PHF24: variants seen among roughly 807,000 people sequenced by gnomAD.
PHF24 encodes PHD finger protein 24.
A neutral mutation model predicts 42.6 loss-of-function variants in PHF24; 25 were observed. The ratio of observed to expected loss-of-function variants is 0.59; its 90% CI spans 0.43 to 0.82. The LOEUF is 0.82. Among genes scored for constraint, PHF24 ranks in the 40% least tolerant of loss-of-function variants. The pLI, the probability that PHF24 is intolerant of heterozygous loss-of-function variation, is 0.00. For synonymous variants in PHF24, 185 were observed against 204.8 expected (o/e 0.90, Z 0.83); for missense variants, 470 against 538.1 (o/e 0.87, Z 1.25).
the PHF24 span, among the ~76,000 whole-genome samples, chr9:34,767,680 G>C: frequency 6.6e-6 from 1 of 152,368 alleles, no homozygotes; most frequent in East Asian, 1.9e-4. Flanking sequence ...GCCTCGCCCT[G>C]CTTCGGCTCG....
the PHF24 span, among the ~76,000 whole-genome samples, chr9:34,936,945 C>T: frequency 2.0e-5 from 3 of 151,068 alleles, no homozygotes; most frequent in South Asian, 6.3e-4. Context: ...AGGAGCGTCT[C>T]CACCCGGCAG....
chr9:34,709,169 C>T, the PHF24 span: 3 of 602,680 alleles, frequency 5.0e-6, no homozygotes, highest in Non-Finnish European at 8.7e-6. Flanking sequence ...GAGACTCTCC[C>T]TCCTCGGTCT....
At chr9:34,957,242 G>A (rs1042280546), upstream of PHF24, among the ~76,000 whole-genome samples, 2 of 152,066 alleles carry the variant, frequency 1.3e-5, no homozygotes, top group African/African-American at 2.4e-5. Flanking sequence ...AGCACAGTAT[G>A]TAACAAATAC....
chr9:34,877,587 T>A, the PHF24 span, among the ~76,000 whole-genome samples: 1 of 152,192 alleles, frequency 6.6e-6, no homozygotes, highest in Non-Finnish European at 1.5e-5. Flanking sequence ...ATGTATTTAA[T>A]GCCAACAAAT....
At chr9:34,955,165 T>A (rs1364646521), upstream of PHF24, among the ~76,000 whole-genome samples, 1 of 152,178 alleles carries the variant, frequency 6.6e-6, no homozygotes, top group African/African-American at 2.4e-5. Context: ...TGAGCCACCA[T>A]ACCCAGCCAG....
the PHF24 span, among the ~76,000 whole-genome samples, chr9:34,795,217 C>A: frequency 2.6e-4 from 40 of 151,550 alleles, no homozygotes; most frequent in African/African-American, 9.4e-4. Context: ...GCACTCCAGT[C>A]TGGGCAACAG....
At chr9:34,828,901 T>G in the PHF24 span, among the ~76,000 whole-genome samples, 1 of 25,212 alleles carries the variant, frequency 4.0e-5, no homozygotes, top group African/African-American at 1.6e-4. Flanking sequence ...TGTTATCCAG[T>G]TGCATGGTTT....
At chr9:34,795,079 AG>A in the PHF24 span, among the ~76,000 whole-genome samples, 21 of 152,178 alleles carry the variant, frequency 1.4e-4, no homozygotes, top group African/African-American at 5.1e-4. Context: ...GAAAGAAACC[AG>A]GAAAAAAACA....
At chr9:34,734,524 A>T in the PHF24 span, among the ~76,000 whole-genome samples, 1 of 152,302 alleles carries the variant, frequency 6.6e-6, no homozygotes, top group Non-Finnish European at 1.5e-5. Flanking sequence ...TCTCTTCCCT[A>T]TGGAAACAAA....
chr9:34,795,751 C>G, the PHF24 span, among the ~76,000 whole-genome samples: 1 of 152,106 alleles, frequency 6.6e-6, no homozygotes, highest in Non-Finnish European at 1.5e-5. Flanking sequence ...AATCCCAGCA[C>G]TTTGGGAGTC....
chr9:34,796,299 C>G, the PHF24 span, among the ~76,000 whole-genome samples: 717 of 151,666 alleles, frequency 4.7e-3, 6 homozygotes, highest in African/African-American at 0.016. Flanking sequence ...AAGAGAAAAT[C>G]TTGTGACCAA....
chr9:34,982,390 T>C (rs1464865332), exon 8 of PHF24: 2 of 152,256 alleles, frequency 1.3e-5, no homozygotes, highest in African/African-American at 4.8e-5. Flanking sequence ...GAAGGTAACT[T>C]GACAGCAAGC....
At chr9:34,950,438 T>C in the PHF24 span, among the ~76,000 whole-genome samples, 1 of 149,458 alleles carries the variant, frequency 6.7e-6, no homozygotes, top group African/African-American at 2.5e-5. Context: ...GACAGAGAAA[T>C]AGCTGTGAAA....
chr9:34,738,258 A>T, the PHF24 span, among the ~76,000 whole-genome samples: 4 of 152,218 alleles, frequency 2.6e-5, no homozygotes, highest in Admixed American at 6.5e-5. Context: ...TTGTTTTTTA[A>T]GCCACTCACT....
the PHF24 span, among the ~76,000 whole-genome samples, chr9:34,871,746 T>A: frequency 6.6e-6 from 1 of 152,322 alleles, no homozygotes; most frequent in East Asian, 1.9e-4. Context: ...TTCTGTTCCA[T>A]TGATTTATGT....
At chr9:34,672,728 C>T in the PHF24 span, among the ~76,000 whole-genome samples, 1 of 152,200 alleles carries the variant, frequency 6.6e-6, no homozygotes, top group African/African-American at 2.4e-5. Flanking sequence ...GCAGAGCCCT[C>T]ATGACCCAAT....
At chr9:34,852,303 G>T in the PHF24 span, among the ~76,000 whole-genome samples, 3 of 152,148 alleles carry the variant, frequency 2.0e-5, no homozygotes, top group African/African-American at 7.2e-5. Flanking sequence ...AATTCTGGGG[G>T]AGTCCAAAGT....
At chr9:34,958,255 G>GCCGCCGCCGCCGCCGCCT (rs772771562), upstream of PHF24, 8 of 152,808 alleles carry the variant, frequency 5.2e-5, no homozygotes, top group East Asian at 3.7e-4. This position sits in a 1 kb window ranked among gnomAD's most constrained non-coding sequence, Gnocchi z 4.5. Context: ...CGCCGCCGCC[G>GCCGCCGCCGCCGCCGCCT]CCTCCTCAGC....
the PHF24 span, among the ~76,000 whole-genome samples, chr9:34,776,298 T>G: frequency 2.0e-5 from 3 of 152,222 alleles, no homozygotes; most frequent in African/African-American, 7.2e-5. Context: ...ATGCCACTGT[T>G]TCCACCCAGA....
Sources: allele counts gnomAD v4.1 joint callset (sites outside exome capture counted in the v4.1 genomes callset), GRCh38; gene constraint gnomAD v4.1.1; non-coding constraint Gnocchi (gnomAD v3.1); transcripts MANE v1.5; gene names NCBI Gene and HGNC (gene_info 2026-07-23, HGNC 2026-07-21).